The following SCAPER variants were observed in gnomAD, a reference collection of about 807,000 sequenced individuals.
SCAPER encodes S-phase cyclin A associated protein in the ER, also known as S phase cyclin A-associated protein in the endoplasmic reticulum.
In SCAPER, 98 loss-of-function variants were observed where a neutral mutation model predicts 182.2. The observed-to-expected ratio is 0.54, with a 90% CI of 0.46 to 0.64. SCAPER has a LOEUF of 0.64. SCAPER is among the 30% of genes least tolerant of loss of function. The pLI, the probability that SCAPER is intolerant of heterozygous loss-of-function variation, is 0.00. For synonymous variants in SCAPER, 605 were observed against 564.6 expected, an observed-to-expected ratio of 1.07 and a Z score of -1.01; for missense variants, 1,432 against 1,690.0, an observed-to-expected ratio of 0.85 and a Z score of 2.68.
chr15:76,498,458 C>A (rs1006453380), intron 24 of SCAPER: 1 of 152,142 alleles, frequency 6.6e-6, no homozygotes, highest in South Asian at 2.1e-4. Context: ...CAATAAGTCA[C>A]GGGAGAGCAA....
intron 21 of SCAPER, among the ~76,000 whole-genome samples, chr15:76,655,134 C>T (rs2055514643): frequency 6.6e-6 from 1 of 151,952 alleles, no homozygotes; most frequent in African/African-American, 2.4e-5. Flanking sequence ...GAACTGAATC[C>T]AATGATTCTA....
chr15:76,760,770 C>A (rs980575900), intron 14 of SCAPER, among the ~76,000 whole-genome samples: 2 of 152,122 alleles, frequency 1.3e-5, no homozygotes, highest in Non-Finnish European at 1.5e-5. Context: ...GAACCAGGGT[C>A]AAAGATCACA....
intron 23 of SCAPER, among the ~76,000 whole-genome samples, chr15:76,573,784 T>C (rs1211564597): frequency 1.3e-5 from 2 of 152,112 alleles, no homozygotes; most frequent in Non-Finnish European, 2.9e-5. Context: ...AATCAGGGGA[T>C]ATTGGTGTTT....
chr15:76,788,619 T>C (rs1027230676), intron 8 of SCAPER, among the ~76,000 whole-genome samples: 1 of 152,194 alleles, frequency 6.6e-6, no homozygotes, highest in Non-Finnish European at 1.5e-5. Context: ...GTATGTTGTA[T>C]GTTTATTTTA....
Position 76,627,638 on chromosome 15 carries a change from G to A in SCAPER, c.2646-5809C>T, listed in dbSNP as rs145454374. Reference sequence around the variant, plus strand: ...GAACATGATCTCATTCCTTTTTATGGCTGCATAGTATTCCATGGTGTATAT... The same window carrying A: ...GAACATGATCTCATTCCTTTTTATGACTGCATAGTATTCCATGGTGTATAT... On this transcript the variant is annotated intron_variant, in intron 21 of 31. Transcript: ENST00000563290. Among the ~76,000 whole-genome samples, 1,376 of 152,160 alleles carry A rather than the reference G, an allele frequency of 9.0e-3. 22 individuals carry two copies. The highest frequency in any genetic ancestry group is 0.032 in the African/African-American group (1,335 of 41,486).
chr15:76,635,539 T>G (rs544236067), intron 21 of SCAPER, among the ~76,000 whole-genome samples: 1 of 151,838 alleles, frequency 6.6e-6, no homozygotes, highest in South Asian at 2.1e-4. Flanking sequence ...CCTTGCCAAT[T>G]TGGATACTTC....
In SCAPER at chr15:76,532,381, T is replaced by C. The variant is rs528006243; in HGVS notation, c.2839-27407A>G. On this transcript the variant is annotated intron_variant, in intron 23 of 31. Transcript: ENST00000563290. ...CCCTTCCCTTCCTTTTGTTCGTTCA[T>C]TCTTGAGTCAGGGTCTCGCTACATT... is the stretch of plus-strand genomic sequence containing the variant. Among the ~76,000 whole-genome samples, 3 of 151,008 alleles carry C rather than the reference T, an allele frequency of 2.0e-5. No individual in the cohort carries two copies. In the South Asian group the frequency reaches 6.5e-4, roughly 33 times the overall value.
intron 24 of SCAPER, among the ~76,000 whole-genome samples, chr15:76,492,777 G>T (rs1230299641): frequency 6.6e-6 from 1 of 151,244 alleles, no homozygotes; most frequent in African/African-American, 2.4e-5. Flanking sequence ...TTAAAATGTA[G>T]AGAAAGATTT....
At chr15:76,884,668 T>C (rs1211110377) in intron 1 of SCAPER, among the ~76,000 whole-genome samples, 2 of 152,226 alleles carry the variant, frequency 1.3e-5, no homozygotes. Context: ...TCCTTTAAAA[T>C]GCAGTACCAG....
intron 1 of SCAPER, among the ~76,000 whole-genome samples, chr15:76,898,394 A>G (rs2074551075): frequency 6.6e-6 from 1 of 152,236 alleles, no homozygotes; most frequent in African/African-American, 2.4e-5. Flanking sequence ...TTCTATTCCT[A>G]GGTTTATACT....
chr15:76,466,416 C>CTTTTTTT (rs1268592485), intron 25 of SCAPER, among the ~76,000 whole-genome samples: 99 of 36,682 alleles, frequency 2.7e-3, no homozygotes, highest in Admixed American at 4.4e-3. Flanking sequence ...TTGGTTGGTT[C>CTTTTTTT]TTCTTTTTTT....
intron 2 of SCAPER, among the ~76,000 whole-genome samples, chr15:76,865,813 C>A (rs1291103075): frequency 1.3e-5 from 2 of 152,134 alleles, no homozygotes; most frequent in Non-Finnish European, 2.9e-5. Flanking sequence ...CTTTTTACGT[C>A]TTTAATGTAA....
rs533109561 is a variant in SCAPER, at chr15:76,423,869, C to T, written c.3311+10209G>A. On this transcript the variant is annotated intron_variant, in intron 26 of 31. Transcript: ENST00000563290. Reference sequence around the variant, plus strand: ...AACATCTTTATTTCTCCCTTCATTTCGTTATTTACCCAGTAGTCATTCAGG... The same window carrying T: ...AACATCTTTATTTCTCCCTTCATTTTGTTATTTACCCAGTAGTCATTCAGG... Among the ~76,000 whole-genome samples the T allele has an allele frequency of 3.3e-5, 5 of 152,282 alleles. No individual in the cohort carries two copies. The East Asian group carries it at 7.7e-4, about 23-fold the overall frequency.
intron 21 of SCAPER, among the ~76,000 whole-genome samples, chr15:76,628,269 C>T (rs1349402155): frequency 6.6e-6 from 1 of 152,150 alleles, no homozygotes; most frequent in African/African-American, 2.4e-5. Flanking sequence ...TGTGCAGAGG[C>T]TCTTTCGTTT....
At chr15:76,855,457 C>CAAAAAAAAAAAAAAAAAAAAA (rs34226154) in intron 4 of SCAPER, among the ~76,000 whole-genome samples, 1 of 116,314 alleles carries the variant, frequency 8.6e-6, no homozygotes, top group Non-Finnish European at 1.7e-5. Flanking sequence ...TTCTGCACAG[C>CAAAAAAAAAAAAAAAAAAAAA]AAAAAAAAAA....
In SCAPER at chr15:76,771,949, T is replaced by G; in HGVS notation, c.1041A>C (p.Thr347=). The change falls in exon 10 of 32, where the codon ACA becomes ACC. Residue 347 remains threonine, a synonymous_variant. Coordinates refer to ENST00000563290, the MANE Select transcript of SCAPER (RefSeq NM_020843.4). ...TCTTCACATCATCCAATGTACTCACTGTGAACTAACAAAACGTAGAGAATG... is the reference window on the plus strand; with the variant it reads ...TCTTCACATCATCCAATGTACTCACGGTGAACTAACAAAACGTAGAGAATG... ...DHPLAEKTQF[T]VSTLDDVKNS... The G allele has an allele frequency of 6.2e-7, 1 of 1,606,584 alleles. No individual in the cohort carries two copies. Among genetic ancestry groups the G allele is most frequent in the Non-Finnish European group, 8.5e-7 (1 of 1,176,780 alleles).
At chr15:76,474,253 C>A (rs2050440930) in intron 24 of SCAPER, among the ~76,000 whole-genome samples, 1 of 152,088 alleles carries the variant, frequency 6.6e-6, no homozygotes, top group Non-Finnish European at 1.5e-5. Flanking sequence ...TTTGTTCATT[C>A]AAAAAATATC....
chr15:76,381,201 G>A (rs2042921418), intron 28 of SCAPER, 177 bp downstream of exon 28: 1 of 346,544 alleles, frequency 2.9e-6, no homozygotes, highest in Admixed American at 4.3e-5. Context: ...AGATGTTATA[G>A]AGCATCTAAT....
At chr15:76,390,485 A>G (rs2043613570) in intron 27 of SCAPER, among the ~76,000 whole-genome samples, 1 of 152,176 alleles carries the variant, frequency 6.6e-6, no homozygotes, top group African/African-American at 2.4e-5. Flanking sequence ...AAGAGTAAAG[A>G]GGTGACAGGC....
Sources: allele counts gnomAD v4.1 joint callset (sites outside exome capture counted in the v4.1 genomes callset), GRCh38; gene constraint gnomAD v4.1.1; transcripts MANE v1.5; gene names NCBI Gene and HGNC (gene_info 2026-07-23, HGNC 2026-07-21).